TBCA: variants seen among roughly 807,000 people sequenced by gnomAD.
TBCA encodes tubulin-specific chaperone A.
Under a neutral mutation model 15.8 loss-of-function variants are expected in TBCA, and 6 were observed. That is an observed-to-expected ratio of 0.38 (90% confidence interval 0.21 to 0.75). The LOEUF is 0.75. Among genes scored for constraint, TBCA ranks in the 30% least tolerant of loss-of-function variants. The pLI is 0.46. For missense variants in TBCA, 90 were observed against 131.2 expected (o/e 0.69, Z 1.53); for synonymous variants, 32 against 42.3 (o/e 0.76, Z 0.94).
chr5:77,768,014 T>C (rs1052783282), intron 1 of TBCA, among the ~76,000 whole-genome samples: 2 of 152,182 alleles, frequency 1.3e-5, no homozygotes, highest in African/African-American at 4.8e-5. Flanking sequence ...CCTTTAATGC[T>C]CTTCTGCCAT....
intron 1 of TBCA, among the ~76,000 whole-genome samples, chr5:77,724,289 AT>A (rs1367257145): frequency 6.6e-6 from 1 of 152,146 alleles, no homozygotes; most frequent in Non-Finnish European, 1.5e-5. Flanking sequence ...CCAAAGAGAT[AT>A]AATAATAAAA....
intron 1 of TBCA, among the ~76,000 whole-genome samples, chr5:77,753,370 C>A (rs941776389): frequency 3.9e-5 from 6 of 152,326 alleles, no homozygotes; most frequent in Non-Finnish European, 8.8e-5. Context: ...ATCACTTTCT[C>A]CTGACACATA....
intron 1 of TBCA, among the ~76,000 whole-genome samples, chr5:77,722,040 T>C (rs1746540772): frequency 1.3e-5 from 2 of 152,098 alleles, no homozygotes; most frequent in African/African-American, 2.4e-5. Context: ...ATGTCTTTTA[T>C]GGCATTTGAA....
intron 1 of TBCA, among the ~76,000 whole-genome samples, chr5:77,718,954 C>A (rs1357186110): frequency 6.6e-6 from 1 of 152,166 alleles, no homozygotes; most frequent in African/African-American, 2.4e-5. Context: ...GATCCTTTGT[C>A]TATGTATCTT....
chr5:77,698,119 C>CA (rs1184096278), intron 2 of TBCA, among the ~76,000 whole-genome samples: 2 of 130,506 alleles, frequency 1.5e-5, no homozygotes, highest in African/African-American at 2.9e-5. Context: ...AACCCTGTCT[C>CA]AAAAAAATAG....
chr5:77,739,158 G>C (rs1212675890), intron 1 of TBCA, among the ~76,000 whole-genome samples: 2 of 152,072 alleles, frequency 1.3e-5, no homozygotes, highest in Non-Finnish European at 2.9e-5. Context: ...CTCTGGGTTG[G>C]ATCAAGAAAG....
Position 77,772,745 on chromosome 5 carries a change from C to G in TBCA, c.53+3460G>C, listed in dbSNP as rs911212264. Among the ~76,000 whole-genome samples the G allele has an allele frequency of 2.0e-5, 3 of 152,272 alleles. No homozygotes were observed. In the Middle Eastern group the frequency reaches 0.01, roughly 518 times the overall value. ...GTCATTTTAAAATGTATGGGAGACA[C>G]TTCCATTAATTTATAAGCAATTTGA... is the stretch of plus-strand genomic sequence containing the variant. On this transcript the variant is annotated intron_variant, in intron 1 of 3. Coordinates refer to ENST00000380377, the MANE Select transcript of TBCA (RefSeq NM_004607.3).
intron 2 of TBCA, among the ~76,000 whole-genome samples, chr5:77,699,971 G>C (rs548766318): frequency 6.8e-6 from 1 of 146,000 alleles, no homozygotes; most frequent in South Asian, 2.2e-4. Flanking sequence ...CTGGGAGGCA[G>C]AGGTTGCAGT....
intron 1 of TBCA, among the ~76,000 whole-genome samples, chr5:77,771,003 C>T (rs945103520): frequency 6.6e-6 from 1 of 152,156 alleles, no homozygotes; most frequent in Admixed American, 6.5e-5. Context: ...TGGCGGACAC[C>T]TGTAATCCCA....
At chr5:77,704,242 T>G (rs1277800308) in intron 2 of TBCA, among the ~76,000 whole-genome samples, 1 of 152,132 alleles carries the variant, frequency 6.6e-6, no homozygotes, top group East Asian at 1.9e-4. Context: ...AGGGCTAGGA[T>G]TACAGACGTG....
intron 3 of TBCA, chr5:77,692,308 G>T (rs1016564303): frequency 1.5e-5 from 15 of 985,188 alleles, no homozygotes; most frequent in Non-Finnish European, 1.6e-5. Flanking sequence ...CAAACTATAC[G>T]TAAGAATTTC....
chr5:77,766,519 T>A (rs1347665257), intron 1 of TBCA, among the ~76,000 whole-genome samples: 970 of 22,552 alleles, frequency 0.043, 318 homozygotes, highest in Admixed American at 0.056. Context: ...TTTATTTTTT[T>A]TTTTTTTTGA....
At chr5:77,732,550 CAA>C (rs35780694) in intron 1 of TBCA, among the ~76,000 whole-genome samples, 2 of 89,488 alleles carry the variant, frequency 2.2e-5, no homozygotes, top group Non-Finnish European at 2.3e-5. Flanking sequence ...GACTCTGTCT[CAA>C]AAAAAAAAAA....
At chr5:77,715,035 G>T (rs967908655) in intron 1 of TBCA, among the ~76,000 whole-genome samples, 4 of 152,216 alleles carry the variant, frequency 2.6e-5, no homozygotes, top group Non-Finnish European at 4.4e-5. Context: ...TGGAGAAAAA[G>T]CCGTGAAGGA....
At chr5:77,729,285 G>C (rs1219432700) in intron 1 of TBCA, among the ~76,000 whole-genome samples, 1 of 151,976 alleles carries the variant, frequency 6.6e-6, no homozygotes, top group Admixed American at 6.6e-5. Flanking sequence ...CTGCACTCTA[G>C]CCTAGGTGGC....
At position 77,739,391 on chromosome 5, in the gene TBCA, G is replaced by A. The variant is rs373494917; in HGVS notation, c.54-31044C>T. Among the ~76,000 whole-genome samples, 10 of 152,294 alleles carry A rather than the reference G, an allele frequency of 6.6e-5. No homozygotes were observed. The South Asian group carries it at 1.7e-3, about 25-fold the overall frequency. ...CACGAGCGTCGCTTGAACCTAGGAA[G>A]CAGAGGTTGTGGTGAGCCAAGATCG... is the stretch of plus-strand genomic sequence containing the variant. On this transcript the variant is annotated intron_variant, in intron 1 of 3. Coordinates refer to ENST00000380377, the MANE Select transcript of TBCA (RefSeq NM_004607.3).
intron 1 of TBCA, among the ~76,000 whole-genome samples, chr5:77,772,658 TTTTC>T (rs149371135): frequency 0.016 from 2,489 of 152,112 alleles, 61 homozygotes; most frequent in African/African-American, 0.056. Flanking sequence ...GTTTAGGGGT[TTTTC>T]TTTAATTGCA....
intron 1 of TBCA, among the ~76,000 whole-genome samples, chr5:77,709,353 T>A (rs999957866): frequency 1.3e-5 from 2 of 152,208 alleles, no homozygotes; most frequent in Non-Finnish European, 2.9e-5. Flanking sequence ...ATCCCACAGA[T>A]AATCCAAATT....
At chr5:77,743,257 T>C (rs148940965) in intron 1 of TBCA, among the ~76,000 whole-genome samples, 16 of 152,358 alleles carry the variant, frequency 1.1e-4, no homozygotes, top group Admixed American at 4.6e-4. Context: ...ACCTAAATTC[T>C]AGATTGTAGG....
Sources: allele counts gnomAD v4.1 joint callset (sites outside exome capture counted in the v4.1 genomes callset), GRCh38; gene constraint gnomAD v4.1.1; transcripts MANE v1.5; gene names NCBI Gene and HGNC (gene_info 2026-07-23, HGNC 2026-07-21).